The following CNTNAP5 variants were observed in gnomAD, a reference collection of about 807,000 sequenced individuals.
CNTNAP5 encodes the protein contactin associated protein family member 5.
A neutral mutation model predicts 150.2 loss-of-function variants in CNTNAP5; 72 were observed. The observed-to-expected ratio is 0.48, with a 90% confidence interval of 0.40 to 0.58. CNTNAP5 has a LOEUF of 0.58. Ranked by LOEUF, CNTNAP5 falls within the 20% of genes least tolerant of loss-of-function variation. The probability of loss-of-function intolerance (pLI) is 0.00; values close to 1 mark genes in which losing one functional copy is unlikely to be tolerated. For synonymous variants in CNTNAP5, 672 were observed against 619.8 expected, an observed-to-expected ratio of 1.08 and a Z score of -1.25; for missense variants, 1,636 against 1,626.2, an observed-to-expected ratio of 1.01 and a Z score of -0.10.
intron 3 of CNTNAP5, among the ~76,000 whole-genome samples, chr2:124,259,112 G>GT (rs1202153121): frequency 2.0e-5 from 3 of 150,512 alleles, no homozygotes; most frequent in Non-Finnish European, 2.9e-5. Context: ...GTGATGTTTG[G>GT]TTTTTTGTCC....
Position 124,446,895 on chromosome 2 carries a change from C to T in CNTNAP5, c.876C>T (p.Phe292=), listed in dbSNP as rs778079652. 1.2e-6 allele frequency: 2 copies of T among 1,613,930 alleles called. No individual in the cohort carries two copies. Among genetic ancestry groups the T allele is most frequent in the Admixed American group, 3.3e-5 (2 of 60,026 alleles). Reference sequence around the variant, plus strand: ...CGGTGGACAAGCACACACAGCACTTCCGCACCAAGGGCGAGACGGATGCCT... The same window carrying T: ...CGGTGGACAAGCACACACAGCACTTTCGCACCAAGGGCGAGACGGATGCCT... ...NFTVDKHTQH[F]RTKGETDALD... The change falls in exon 6 of 24, where the codon TTC becomes TTT. Residue 292 remains phenylalanine, a synonymous_variant. Transcript: ENST00000682447.
chr2:124,444,247 C>T (rs1692749724), intron 5 of CNTNAP5, among the ~76,000 whole-genome samples: 1 of 151,992 alleles, frequency 6.6e-6, no homozygotes, highest in Admixed American at 6.6e-5. Flanking sequence ...GTCTTATAGC[C>T]AGTCTTACCT....
chr2:124,508,529 T>C (rs1265864421), intron 8 of CNTNAP5, among the ~76,000 whole-genome samples: 1 of 152,210 alleles, frequency 6.6e-6, no homozygotes, highest in African/African-American at 2.4e-5. Flanking sequence ...ATCCAGGTGC[T>C]GTCTGTATTG....
intron 7 of CNTNAP5, among the ~76,000 whole-genome samples, chr2:124,477,910 C>T (rs1311342315): frequency 2.0e-5 from 3 of 151,930 alleles, no homozygotes; most frequent in Non-Finnish European, 2.9e-5. Flanking sequence ...TAAGATGTGG[C>T]AGAGCAAAGT....
chr2:124,913,946 C>A, intron 23 of CNTNAP5, 146 bp from the exon 24 acceptor site: 2 of 566,988 alleles, frequency 3.5e-6, no homozygotes, highest in African/African-American at 1.9e-5. Context: ...GTCTTTATTT[C>A]TGGGCAGGTG....
At position 124,734,977 on chromosome 2, in the gene CNTNAP5, G is replaced by A. The variant is rs189161251; in HGVS notation, c.2078-12252G>A. On this transcript the variant is annotated intron_variant, in intron 13 of 23. Transcript: ENST00000682447. The stretch of plus-strand genomic sequence containing the variant: ...ACCTGATAAGTGTGAAGTAAATGAA[G>A]AATCTTGGGCTGTACTCTCCAAGTG... 6.6e-4 allele frequency among the ~76,000 whole-genome samples: 100 copies of A among 152,254 alleles called. 1 individual carries two copies. Among genetic ancestry groups the A allele is most frequent in the Admixed American group, 4.8e-3 (73 of 15,278 alleles).
chr2:124,763,591 T>C, intron 14 of CNTNAP5, 81 bp from the exon 15 acceptor site: 1 of 1,422,686 alleles, frequency 7.0e-7, no homozygotes, highest in South Asian at 1.3e-5. Context: ...CCAAATCACT[T>C]CTGAAAAGAG....
intron 3 of CNTNAP5, among the ~76,000 whole-genome samples, chr2:124,262,432 A>G (rs929101512): frequency 2.6e-5 from 4 of 152,182 alleles, no homozygotes; most frequent in Admixed American, 6.5e-5. Flanking sequence ...TTCTATGACA[A>G]GCGTCATCTT....
intron 3 of CNTNAP5, among the ~76,000 whole-genome samples, chr2:124,324,260 C>T (rs761308683): frequency 3.9e-5 from 6 of 152,154 alleles, no homozygotes; most frequent in Non-Finnish European, 5.9e-5. Context: ...CCTGAACCAA[C>T]TTTCTAGGCA....
At chr2:124,146,942 A>G (rs1201036346) in intron 1 of CNTNAP5, among the ~76,000 whole-genome samples, 2 of 152,182 alleles carry the variant, frequency 1.3e-5, no homozygotes, top group East Asian at 1.9e-4. Flanking sequence ...TGGGGAGCTC[A>G]CATTTGAGTG....
At position 124,720,739 on chromosome 2, in the gene CNTNAP5, A is replaced by G. The variant is rs190059278; in HGVS notation, c.2078-26490A>G. Among the ~76,000 whole-genome samples the G allele has an allele frequency of 1.7e-4, 26 of 152,336 alleles. 1 individual carries two copies. The South Asian group carries it at 2.1e-3, about 12-fold the overall frequency. ...AATGTCAACTTTGAATCAATTTGCTATAGCAAAGACAGTTGTACTTTTGAA... is the reference window on the plus strand; with the variant it reads ...AATGTCAACTTTGAATCAATTTGCTGTAGCAAAGACAGTTGTACTTTTGAA... On this transcript the variant is annotated intron_variant, in intron 13 of 23. Coordinates refer to ENST00000682447, the MANE Select transcript of CNTNAP5 (RefSeq NM_001367498.1).
intron 10 of CNTNAP5, among the ~76,000 whole-genome samples, chr2:124,542,148 C>G (rs1455151115): frequency 1.3e-5 from 2 of 151,722 alleles, no homozygotes; most frequent in Non-Finnish European, 2.9e-5. Context: ...CATGATGGAG[C>G]CTGAGGCATT....
At chr2:124,853,042 C>A (rs1683188619) in intron 19 of CNTNAP5, among the ~76,000 whole-genome samples, 2 of 152,142 alleles carry the variant, frequency 1.3e-5, no homozygotes, top group Admixed American at 1.3e-4. Context: ...TTGACATGAA[C>A]TGATGTGGAA....
chr2:124,083,698 T>C (rs924978993), intron 1 of CNTNAP5, among the ~76,000 whole-genome samples: 13 of 152,136 alleles, frequency 8.5e-5, no homozygotes, highest in Non-Finnish European at 1.3e-4. Flanking sequence ...ACAGTCTTGA[T>C]TGCTGTAGAC....
rs1678847021 is a variant in CNTNAP5 at position 124,920,232 on chromosome 2, A to G, written c.*5944A>G. ...CGAGTGTCATAGTCTTACATGCTTC[A>G]GATGCCAGAAATATCTTCAGAGAAC... is the stretch of plus-strand genomic sequence containing the variant. On this transcript the variant is annotated 3_prime_UTR_variant, in exon 24 of 24. Coordinates refer to ENST00000682447, the MANE Select transcript of CNTNAP5 (RefSeq NM_001367498.1). Among the ~76,000 whole-genome samples, 1 of 152,160 alleles carries G rather than the reference A, an allele frequency of 6.6e-6. No individual in the cohort carries two copies. Among genetic ancestry groups the G allele is most frequent in the African/African-American group, 2.4e-5 (1 of 41,456 alleles).
At chr2:124,564,333 A>AT (rs1695962330) in intron 11 of CNTNAP5, among the ~76,000 whole-genome samples, 1 of 151,966 alleles carries the variant, frequency 6.6e-6, no homozygotes, top group Admixed American at 6.6e-5. Context: ...ATGAGCCTTG[A>AT]TTTTTTATTT....
chr2:124,090,820 C>A (rs902284467), intron 1 of CNTNAP5, among the ~76,000 whole-genome samples: 1 of 152,130 alleles, frequency 6.6e-6, no homozygotes, highest in African/African-American at 2.4e-5. Context: ...AAATCTGAGA[C>A]TTTGAGAAGC....
At chr2:124,268,500 A>G (rs984701880) in intron 3 of CNTNAP5, among the ~76,000 whole-genome samples, 1 of 152,218 alleles carries the variant, frequency 6.6e-6, no homozygotes, top group African/African-American at 2.4e-5. Flanking sequence ...CTGGGGCCAA[A>G]TCGTAAATAG....
At chr2:124,515,904 G>A (rs546097917) in intron 8 of CNTNAP5, among the ~76,000 whole-genome samples, 1 of 152,244 alleles carries the variant, frequency 6.6e-6, no homozygotes, top group Admixed American at 6.5e-5. Flanking sequence ...TCATTCTCTG[G>A]GCTCCATGAC....
Sources: gnomAD v4.1 joint callset for allele counts (sites outside exome capture counted in the v4.1 genomes callset) on GRCh38, gnomAD v4.1.1 for gene constraint, MANE v1.5 for transcripts, NCBI Gene and HGNC (gene_info 2026-07-23, HGNC 2026-07-21) for gene names.